The following RBFOX3 variants were observed in gnomAD, a reference collection of about 807,000 sequenced individuals.
RBFOX3 encodes RNA binding fox-1 homolog 3, also known as RNA binding protein fox-1 homolog 3.
Under a neutral mutation model 48.7 loss-of-function variants are expected in RBFOX3, and 17 were observed. The observed-to-expected ratio is 0.35, with a 90% CI of 0.24 to 0.52. The LOEUF (loss-of-function observed/expected upper bound fraction) is 0.52. Ranked by LOEUF, RBFOX3 falls within the 20% of genes least tolerant of loss-of-function variation. The pLI is 0.94. For synonymous variants in RBFOX3, 212 were observed against 209.5 expected (o/e 1.01, Z -0.10); for missense variants, 382 against 497.5 (o/e 0.77, Z 2.21).
intron 1 of RBFOX3, among the ~76,000 whole-genome samples, chr17:79,576,424 T>A (rs1185001137): frequency 1.3e-5 from 2 of 149,900 alleles, no homozygotes; most frequent in African/African-American, 2.5e-5. Context: ...AAGATGGAGA[T>A]GATGAAGAAG....
intron 2 of RBFOX3, among the ~76,000 whole-genome samples, chr17:79,388,538 T>G (rs1299656146): frequency 6.6e-6 from 1 of 152,170 alleles, no homozygotes; most frequent in African/African-American, 2.4e-5. Flanking sequence ...AAGAGAAGAT[T>G]TTTAATAAAT....
chr17:79,281,030 T>C (rs964793740), intron 3 of RBFOX3, among the ~76,000 whole-genome samples: 3 of 152,190 alleles, frequency 2.0e-5, no homozygotes, highest in African/African-American at 7.2e-5. Flanking sequence ...CCAGACCACA[T>C]CTATCACCCC....
chr17:79,636,431 A>G, the RBFOX3 span, among the ~76,000 whole-genome samples: 4 of 152,158 alleles, frequency 2.6e-5, no homozygotes, highest in South Asian at 4.1e-4. Context: ...TAACTTTTCT[A>G]TACTGTTTTC....
intron 4 of RBFOX3, among the ~76,000 whole-genome samples, chr17:79,131,783 G>A (rs1194789390): frequency 6.6e-6 from 1 of 152,160 alleles, no homozygotes; most frequent in African/African-American, 2.4e-5. Context: ...GGGCCTCCCT[G>A]CTCTGATGGC....
intron 3 of RBFOX3, among the ~76,000 whole-genome samples, chr17:79,245,233 C>T (rs1020274569): frequency 4.6e-5 from 7 of 152,038 alleles, no homozygotes; most frequent in African/African-American, 9.7e-5. Flanking sequence ...CCACCACACC[C>T]GGCTCATTTT....
At chr17:79,259,370 T>A (rs1174847579) in intron 3 of RBFOX3, among the ~76,000 whole-genome samples, 1 of 152,120 alleles carries the variant, frequency 6.6e-6, no homozygotes, top group Non-Finnish European at 1.5e-5. Flanking sequence ...TGTTCTGGGG[T>A]CCCTGCCCTT....
At chr17:79,300,982 C>T (rs1200062390) in intron 3 of RBFOX3, among the ~76,000 whole-genome samples, 1 of 152,212 alleles carries the variant, frequency 6.6e-6, no homozygotes, top group East Asian at 1.9e-4. Flanking sequence ...GGCCCTGACT[C>T]CGGCCTTGAC....
At chr17:79,603,331 A>G (rs2093752343) in intron 1 of RBFOX3, among the ~76,000 whole-genome samples, 1 of 152,134 alleles carries the variant, frequency 6.6e-6, no homozygotes. Context: ...CAGTGGAGGC[A>G]TGGGGAGAGC....
chr17:79,587,366 C>G (rs1486057927), intron 1 of RBFOX3, among the ~76,000 whole-genome samples: 1 of 152,236 alleles, frequency 6.6e-6, no homozygotes, highest in Non-Finnish European at 1.5e-5. Flanking sequence ...CCTTACATAG[C>G]ATGTCCACGG....
chr17:79,329,843 T>C (rs1305183595), intron 2 of RBFOX3, among the ~76,000 whole-genome samples: 1 of 152,136 alleles, frequency 6.6e-6, no homozygotes, highest in Admixed American at 6.5e-5. Context: ...GGTCGCACAT[T>C]TTAGCCTGGT....
intron 3 of RBFOX3, among the ~76,000 whole-genome samples, chr17:79,267,008 C>G (rs1213256392): frequency 6.6e-6 from 1 of 152,136 alleles, no homozygotes; most frequent in African/African-American, 2.4e-5. Flanking sequence ...TCATGGGAAC[C>G]CCAGAATTTG....
intron 1 of RBFOX3, among the ~76,000 whole-genome samples, chr17:79,509,961 T>C (rs1362239799): frequency 1.3e-5 from 2 of 152,214 alleles, no homozygotes; most frequent in Non-Finnish European, 2.9e-5. Context: ...CACAACCAAA[T>C]ATTTTCTAAT....
rs919701984 is a variant in RBFOX3, at chr17:79,362,030, G to A, written c.-174-54206C>T. Among the ~76,000 whole-genome samples the A allele has an allele frequency of 3.6e-4, 55 of 152,282 alleles. No homozygotes were observed. The highest frequency in any genetic ancestry group is 1.2e-3 in the African/African-American group (50 of 41,558). On this transcript the variant is annotated intron_variant, in intron 2 of 14. Coordinates refer to ENST00000693108, the MANE Select transcript of RBFOX3 (RefSeq NM_001350451.2). This position sits in a 1 kb window ranked among gnomAD's most constrained non-coding sequence, Gnocchi z 4.2. ...TGTAAATAATACAGCTGCCTTGGAC[G>A]AATGTTCCCTGCCTGCTGCGTATTT...
chr17:79,119,920 G>C (rs1218627059), intron 4 of RBFOX3, among the ~76,000 whole-genome samples: 1 of 152,204 alleles, frequency 6.6e-6, no homozygotes, highest in Non-Finnish European at 1.5e-5. Context: ...ATGCAGCCCT[G>C]GTGGAGAGCC....
chr17:79,650,360 A>C, the RBFOX3 span, among the ~76,000 whole-genome samples: 1 of 152,070 alleles, frequency 6.6e-6, no homozygotes, highest in African/African-American at 2.4e-5. Flanking sequence ...TGCTGATGGC[A>C]AGCAAGTTGA....
intron 2 of RBFOX3, among the ~76,000 whole-genome samples, chr17:79,436,273 G>T (rs2069425927): frequency 6.6e-6 from 1 of 152,268 alleles, no homozygotes; most frequent in Non-Finnish European, 1.5e-5. Flanking sequence ...CTGCTCTAAG[G>T]CAGTGCTGGG....
At chr17:79,453,792 G>A (rs1175959729) in intron 2 of RBFOX3, among the ~76,000 whole-genome samples, 4 of 152,108 alleles carry the variant, frequency 2.6e-5, no homozygotes, top group Admixed American at 2.6e-4. Context: ...TGTTCTGCCA[G>A]CTCCCTCAGG....
At chr17:79,632,770 G>T in the RBFOX3 span, among the ~76,000 whole-genome samples, 1 of 148,040 alleles carries the variant, frequency 6.8e-6, no homozygotes, top group Non-Finnish European at 1.5e-5. Context: ...AAGTTAGCAA[G>T]GCCTGATGGT....
intron 4 of RBFOX3, among the ~76,000 whole-genome samples, chr17:79,179,298 CG>C (rs2051323951): frequency 6.6e-6 from 1 of 152,244 alleles, no homozygotes; most frequent in African/African-American, 2.4e-5. Context: ...CCAGAGGGAA[CG>C]TGCTCTGCCA....
Sources: gnomAD v4.1 joint callset for allele counts (sites outside exome capture counted in the v4.1 genomes callset) on GRCh38, gnomAD v4.1.1 for gene constraint, Gnocchi (gnomAD v3.1) non-coding constraint, MANE v1.5 for transcripts, NCBI Gene and HGNC (gene_info 2026-07-23, HGNC 2026-07-21) for gene names.